LARGE1: variants seen among roughly 807,000 people sequenced by gnomAD.
LARGE1 encodes the protein xylosyl- and glucuronyltransferase LARGE1.
Under a neutral mutation model 87.6 loss-of-function variants are expected in LARGE1, and 43 were observed. The observed-to-expected ratio is 0.49, with a 90% confidence interval of 0.38 to 0.63. The LOEUF (loss-of-function observed/expected upper bound fraction) is 0.63. Ranked by LOEUF, LARGE1 falls within the 30% of genes least tolerant of loss-of-function variation. The probability of loss-of-function intolerance (pLI) is 0.00; values close to 1 mark genes in which losing one functional copy is unlikely to be tolerated. For synonymous variants in LARGE1, 434 were observed against 394.6 expected, an observed-to-expected ratio of 1.10 and a Z score of -1.18; for missense variants, 802 against 1,000.2, an observed-to-expected ratio of 0.80 and a Z score of 2.67.
At chr22:33,443,397 G>A (rs1382181096) in intron 6 of LARGE1, among the ~76,000 whole-genome samples, 1 of 152,204 alleles carries the variant, frequency 6.6e-6, no homozygotes, top group Non-Finnish European at 1.5e-5. Flanking sequence ...AAGGGTGGTC[G>A]AAGTGCATGC....
chr22:33,573,630 A>G (rs569939859), intron 5 of LARGE1, among the ~76,000 whole-genome samples: 17 of 152,294 alleles, frequency 1.1e-4, no homozygotes, highest in Non-Finnish European at 2.5e-4. Context: ...CAAGGAGTCC[A>G]TGGTCTAGTG....
chr22:33,708,276 A>C (rs2082621915), intron 2 of LARGE1, among the ~76,000 whole-genome samples: 1 of 152,058 alleles, frequency 6.6e-6, no homozygotes, highest in South Asian at 2.1e-4. Context: ...AGAGAAAAGA[A>C]AAATCTAAGG....
At chr22:33,613,096 T>C (rs943222099) in intron 4 of LARGE1, among the ~76,000 whole-genome samples, 2 of 152,168 alleles carry the variant, frequency 1.3e-5, no homozygotes, top group Non-Finnish European at 1.5e-5. Context: ...AGAAAACACA[T>C]GAGCCCCTCA....
At chr22:33,539,236 T>C (rs1193377378) in intron 6 of LARGE1, among the ~76,000 whole-genome samples, 3 of 140,384 alleles carry the variant, frequency 2.1e-5, no homozygotes, top group African/African-American at 7.8e-5. Flanking sequence ...AGATTCTTTG[T>C]CAAAATTTTC....
At chr22:33,177,914 T>A (rs1361104230) in intron 11 of LARGE1, among the ~76,000 whole-genome samples, 2 of 152,124 alleles carry the variant, frequency 1.3e-5, no homozygotes, top group Non-Finnish European at 2.9e-5. Flanking sequence ...TCTCACAAGA[T>A]CTGTGCTTGA....
intron 1 of LARGE1, among the ~76,000 whole-genome samples, chr22:33,849,576 T>C (rs986316164): frequency 6.7e-5 from 10 of 149,966 alleles, no homozygotes; most frequent in Non-Finnish European, 1.0e-4. Context: ...CCTTTAGTTC[T>C]TTTTTCTTTT....
At chr22:33,637,741 C>T (rs116295438) in intron 3 of LARGE1, among the ~76,000 whole-genome samples, 1,649 of 152,312 alleles carry the variant, frequency 0.011, 31 homozygotes, top group African/African-American at 0.037. Flanking sequence ...ATCAAACCTT[C>T]AGATGACTGC....
intron 4 of LARGE1, among the ~76,000 whole-genome samples, chr22:33,622,004 G>A (rs1259179919): frequency 1.3e-5 from 2 of 152,158 alleles, no homozygotes; most frequent in Non-Finnish European, 2.9e-5. Flanking sequence ...ACTGTCCCAT[G>A]GAATACAAGC....
intron 9 of LARGE1, among the ~76,000 whole-genome samples, chr22:33,363,295 A>C (rs1278950797): frequency 6.7e-6 from 1 of 150,066 alleles, no homozygotes; most frequent in Non-Finnish European, 1.5e-5. Flanking sequence ...GTAATTTATA[A>C]AGAAAAAGAG....
chr22:33,552,023 A>C (rs1181398094), intron 6 of LARGE1, among the ~76,000 whole-genome samples: 2 of 148,684 alleles, frequency 1.3e-5, no homozygotes, highest in African/African-American at 5.0e-5. Flanking sequence ...AAAGTGATCT[A>C]GCTAAAAAAT....
intron 10 of LARGE1, among the ~76,000 whole-genome samples, chr22:33,323,917 G>C (rs776466178): frequency 5.3e-5 from 8 of 152,134 alleles, no homozygotes; most frequent in Non-Finnish European, 1.2e-4. Flanking sequence ...TATCTCAATG[G>C]GGAGACTCTA....
intron 10 of LARGE1, among the ~76,000 whole-genome samples, chr22:33,318,738 A>G (rs898434633): frequency 2.6e-5 from 4 of 152,020 alleles, no homozygotes; most frequent in African/African-American, 4.8e-5. Context: ...CCTAAAACTT[A>G]AAGTATATTA....
chr22:33,865,700 A>G (rs926743902), intron 1 of LARGE1, among the ~76,000 whole-genome samples: 2 of 152,148 alleles, frequency 1.3e-5, no homozygotes, highest in Non-Finnish European at 2.9e-5. Flanking sequence ...GTATCTTGCC[A>G]TAAAATCTTG....
chr22:33,795,125 G>A lies in LARGE1; in HGVS notation c.-82-33567C>T, dbSNP rs117862968. 2.1e-4 allele frequency among the ~76,000 whole-genome samples: 32 copies of A among 152,236 alleles called. No homozygotes were observed. In the East Asian group the frequency reaches 5.8e-3, roughly 28 times the overall value. ...TTAAAGAGGTTTGAATTCAGTCTCCGTCTTTGTAAACTGTGTAATCTGGTA... is the reference window on the plus strand; with the variant it reads ...TTAAAGAGGTTTGAATTCAGTCTCCATCTTTGTAAACTGTGTAATCTGGTA... On this transcript the variant is annotated intron_variant, in intron 1 of 14. Coordinates refer to ENST00000397394, the MANE Select transcript of LARGE1 (RefSeq NM_133642.5).
At chr22:33,082,577 C>T in the LARGE1 span, among the ~76,000 whole-genome samples, 16 of 152,156 alleles carry the variant, frequency 1.1e-4, no homozygotes, top group African/African-American at 2.2e-4. Context: ...GAGCAATCTA[C>T]GCATTTACTT....
At chr22:33,712,156 T>C (rs2082748996) in intron 2 of LARGE1, among the ~76,000 whole-genome samples, 1 of 152,046 alleles carries the variant, frequency 6.6e-6, no homozygotes, top group Admixed American at 6.5e-5. Flanking sequence ...AGTTTGAGTC[T>C]GGAGAGCATT....
rs186359536 is a variant in LARGE1, at chr22:33,433,838, A to G, written c.788-1573T>C. Among the ~76,000 whole-genome samples the G allele has an allele frequency of 2.9e-4, 44 of 152,300 alleles. No homozygotes were observed. In the East Asian group the frequency reaches 8.1e-3, roughly 28 times the overall value. On this transcript the variant is annotated intron_variant, in intron 6 of 14. Coordinates refer to ENST00000397394, the MANE Select transcript of LARGE1 (RefSeq NM_133642.5). ...TTCTTTTGGAACACTATGCTGGGTG[A>G]TATAGCATCTCCTTGGTATGATGAC...
At chr22:33,632,373 C>G (rs928006151) in intron 3 of LARGE1, among the ~76,000 whole-genome samples, 6 of 152,180 alleles carry the variant, frequency 3.9e-5, no homozygotes, top group Admixed American at 3.9e-4. Context: ...ATCCGCCCAC[C>G]TCGGCCTCCC....
chr22:33,304,602 T>A lies in LARGE1; in HGVS notation c.1452-95A>T, dbSNP rs966903050. ...GGGCTCTGCCTCCAGTGACACTTGA[T>A]CAACCAGCTGTGGATCAAATCCCTG... On this transcript the variant is annotated intron_variant, in intron 11 of 14. Transcript: ENST00000397394. 50 of 1,312,862 alleles carry A rather than the reference T, an allele frequency of 3.8e-5. 1 individual carries two copies. The Admixed American group carries it at 1.0e-3, about 26-fold the overall frequency. The allele number at this position is 1,312,862 out of a possible 1,614,324, so 81.3% of individuals were successfully genotyped here. A position where few individuals can be genotyped will look rare whatever the true frequency, so the allele number is the denominator to read the frequency against.
Sources: gnomAD v4.1 joint callset for allele counts (sites outside exome capture counted in the v4.1 genomes callset) on GRCh38, gnomAD v4.1.1 for gene constraint, MANE v1.5 for transcripts, NCBI Gene and HGNC (gene_info 2026-07-23, HGNC 2026-07-21) for gene names.